DDX60L: variants seen among roughly 807,000 people sequenced by gnomAD.
DDX60L encodes the protein probable ATP-dependent RNA helicase DDX60-like.
Under a neutral mutation model 211.6 loss-of-function variants are expected in DDX60L, and 191 were observed. The ratio of observed to expected loss-of-function variants is 0.90; its 90% CI spans 0.80 to 1.02. DDX60L has a LOEUF of 1.02. Among genes scored for constraint, DDX60L ranks in the 50% least tolerant of loss-of-function variants. DDX60L has a pLI of 0.00. For missense variants in DDX60L, 2,007 were observed against 1,984.1 expected (o/e 1.01, Z -0.22); for synonymous variants, 706 against 694.1 (o/e 1.02, Z -0.27).
intron 22 of DDX60L, 34 bp downstream of exon 22, chr4:168,415,374 T>C (rs1407410742): frequency 6.9e-7 from 1 of 1,443,058 alleles, no homozygotes; most frequent in Non-Finnish European, 9.5e-7. Context: ...CACTAAAAAT[T>C]CCACTAACAG....
In DDX60L at chr4:168,358,074, T is replaced by TGTAA; in HGVS notation, c.*69_*72dup. The TGTAA allele has an allele frequency of 7.4e-7, 1 of 1,358,276 alleles. No homozygotes were observed. Among genetic ancestry groups the TGTAA allele is most frequent in the East Asian group, 2.4e-5 (1 of 41,116 alleles). 84.1% of individuals were successfully genotyped at this position (1,358,276 alleles called of 1,614,324 possible). ...GACAAACATTTTTTCCATTTCATTGTGTAAGCTTAATTATATCTCTCCTTG... is the reference window on the plus strand; with the variant it reads ...GACAAACATTTTTTCCATTTCATTGTGTAAGTAAGCTTAATTATATCTCTCCTTG... On this transcript the variant is annotated 3_prime_UTR_variant, in exon 38 of 38. Coordinates refer to ENST00000682922, the MANE Select transcript of DDX60L (RefSeq NM_001012967.3).
chr4:168,410,608 T>C (rs1029881170), intron 22 of DDX60L, among the ~76,000 whole-genome samples: 2 of 152,236 alleles, frequency 1.3e-5, no homozygotes, highest in African/African-American at 4.8e-5. Context: ...GCTAATGTCA[T>C]TATATCTTCA....
At chr4:168,420,639 C>CGAGATAGATAGATAGATAG (rs760438181) in intron 17 of DDX60L, among the ~76,000 whole-genome samples, 1 of 106,606 alleles carries the variant, frequency 9.4e-6, no homozygotes, top group African/African-American at 3.3e-5. Flanking sequence ...CACACACACA[C>CGAGATAGATAGATAGATAG]ATGAGATAGA....
chr4:168,465,480 C>A (rs192154784), intron 4 of DDX60L, among the ~76,000 whole-genome samples: 306 of 152,086 alleles, frequency 2.0e-3, no homozygotes, highest in Non-Finnish European at 2.8e-3. Flanking sequence ...CTTTCCTGTG[C>A]GGAAACTTTT....
intron 30 of DDX60L, among the ~76,000 whole-genome samples, chr4:168,383,703 C>T (rs1743360015): frequency 6.6e-6 from 1 of 152,150 alleles, no homozygotes; most frequent in Non-Finnish European, 1.5e-5. Flanking sequence ...TCCAATGCCT[C>T]TCTGGGCCTG....
intron 10 of DDX60L, among the ~76,000 whole-genome samples, chr4:168,437,804 A>C (rs939899667): frequency 1.3e-5 from 2 of 152,046 alleles, no homozygotes; most frequent in Non-Finnish European, 2.9e-5. Flanking sequence ...AGAACATCAC[A>C]TGATGATTAG....
At chr4:168,417,752 C>A (rs1007832179) in intron 19 of DDX60L, among the ~76,000 whole-genome samples, 5 of 152,134 alleles carry the variant, frequency 3.3e-5, no homozygotes, top group Non-Finnish European at 7.4e-5. Flanking sequence ...ATGAATCAAT[C>A]CTCTTTGGTT....
chr4:168,440,542 A>G (rs1271927405), intron 10 of DDX60L, among the ~76,000 whole-genome samples: 1 of 151,840 alleles, frequency 6.6e-6, no homozygotes, highest in East Asian at 1.9e-4. Flanking sequence ...GTCACACTAA[A>G]CATATCTCAG....
At chr4:168,472,072 C>T (rs1284222783) in intron 3 of DDX60L, 136 bp from the exon 4 acceptor site, 2 of 648,570 alleles carry the variant, frequency 3.1e-6, no homozygotes, top group Middle Eastern at 4.1e-4. Context: ...TCAAATACCT[C>T]ATTTAAGCAA....
chr4:168,361,158 T>C lies in DDX60L; in HGVS notation c.4982A>G (p.Gln1661Arg). Residue 1661 changes from glutamine (Q) to arginine (R), a missense_variant, in exon 37 of 38, where the codon CAG becomes CGG. Transcript: ENST00000682922. ...TCAGCATGAAACATACCTGATAGCC[T>C]GAATGTTGAATGCAAAATCTTTCAA... ...KCLKDFAFNI[Q>R]AISDSLSELC... 1 of 1,605,954 alleles carries C rather than the reference T, an allele frequency of 6.2e-7. No homozygotes were observed. The highest frequency in any genetic ancestry group is 1.7e-5 in the Admixed American group (1 of 59,638).
chr4:168,477,958 C>T (rs1482481877), intron 1 of DDX60L, among the ~76,000 whole-genome samples: 1 of 152,058 alleles, frequency 6.6e-6, no homozygotes, highest in Non-Finnish European at 1.5e-5. Context: ...CTGGACACAG[C>T]GCCTCATACC....
At chr4:168,475,338 T>C (rs1427530514) in intron 1 of DDX60L, among the ~76,000 whole-genome samples, 1 of 152,224 alleles carries the variant, frequency 6.6e-6, no homozygotes, top group Non-Finnish European at 1.5e-5. Flanking sequence ...ATATGACCAA[T>C]GTCTTTCATC....
chr4:168,467,107 T>C (rs1349014357), intron 4 of DDX60L, among the ~76,000 whole-genome samples: 1 of 152,110 alleles, frequency 6.6e-6, no homozygotes, highest in Non-Finnish European at 1.5e-5. Context: ...TGAAAATGAA[T>C]GAAAAAATAA....
chr4:168,387,419 CAA>C (rs1202882862), intron 29 of DDX60L, among the ~76,000 whole-genome samples: 4 of 152,248 alleles, frequency 2.6e-5, no homozygotes, highest in African/African-American at 9.6e-5. Flanking sequence ...CCTTCATTTG[CAA>C]ACAAAGGATC....
intron 19 of DDX60L, among the ~76,000 whole-genome samples, chr4:168,417,446 A>G (rs554133972): frequency 5.8e-4 from 88 of 152,210 alleles, no homozygotes; most frequent in Non-Finnish European, 5.9e-4. Context: ...TTAGCTGACC[A>G]TTCCTGCTTA....
chr4:168,374,218 G>A (rs1035947165), intron 34 of DDX60L, among the ~76,000 whole-genome samples: 6 of 151,466 alleles, frequency 4.0e-5, no homozygotes, highest in East Asian at 3.9e-4. Context: ...TTCCCATCAC[G>A]ACACAATCAC....
intron 10 of DDX60L, among the ~76,000 whole-genome samples, chr4:168,439,533 T>C (rs1290673295): frequency 6.6e-6 from 1 of 152,168 alleles, no homozygotes; most frequent in Non-Finnish European, 1.5e-5. Context: ...ATAAATCTCT[T>C]AACATGTGTA....
chr4:168,452,653 A>G (rs1357366557), intron 8 of DDX60L, among the ~76,000 whole-genome samples: 1 of 152,162 alleles, frequency 6.6e-6, no homozygotes, highest in African/African-American at 2.4e-5. Context: ...GATTGCAACC[A>G]TAACAAAAAC....
Position 168,408,363 on chromosome 4 carries a change from A to G in DDX60L, c.2980-1657T>C, listed in dbSNP as rs1226958391. Among the ~76,000 whole-genome samples, 3 of 152,290 alleles carry G rather than the reference A, an allele frequency of 2.0e-5. No individual in the cohort carries two copies. In the East Asian group the frequency reaches 5.8e-4, roughly 29 times the overall value. ...CTGACTCTTTTTGAGTATCCCATCC[A>G]TCATAGTGACTGATTATTAACTTTC... On this transcript the variant is annotated intron_variant, in intron 22 of 37. Transcript: ENST00000682922.
Sources: gnomAD v4.1 joint callset for allele counts (sites outside exome capture counted in the v4.1 genomes callset) on GRCh38, gnomAD v4.1.1 for gene constraint, MANE v1.5 for transcripts, NCBI Gene and HGNC (gene_info 2026-07-23, HGNC 2026-07-21) for gene names.